Variants in CMTM4 observed in about 807,000 individuals in gnomAD.
The protein encoded by CMTM4 is CKLF like MARVEL transmembrane domain containing 4.
CMTM4 carries 8 observed loss-of-function variants against 19.0 expected under a neutral mutation model. The ratio of observed to expected loss-of-function variants is 0.42; its 90% CI spans 0.25 to 0.76. The LOEUF (loss-of-function observed/expected upper bound fraction) is 0.76, where lower values mean the gene tolerates loss of function less well. Ranked by LOEUF, CMTM4 falls within the 30% of genes least tolerant of loss-of-function variation. CMTM4 has a pLI of 0.27. For missense variants in CMTM4, 228 were observed against 290.2 expected (o/e 0.79, Z 1.56); for synonymous variants, 106 against 121.1 (o/e 0.88, Z 0.82).
chr16:66,674,116 G>A (rs9788797), intron 1 of CMTM4, among the ~76,000 whole-genome samples: 6,515 of 152,306 alleles, frequency 0.043, 262 homozygotes, highest in East Asian at 0.15. Context: ...GCAGAGCCAA[G>A]TTCTCTTTCA....
chr16:66,610,680 G>A (rs550855251), downstream of CMTM4, among the ~76,000 whole-genome samples: 69 of 152,248 alleles, frequency 4.5e-4, no homozygotes, highest in African/African-American at 1.6e-3. The surrounding 1 kb of genome is among the most constrained non-coding windows in gnomAD (Gnocchi z 4.6). Flanking sequence ...CTTCTGCCTG[G>A]GGAGATGCTT....
At chr16:66,667,383 C>T (rs1019100284) in intron 1 of CMTM4, among the ~76,000 whole-genome samples, 1 of 151,822 alleles carries the variant, frequency 6.6e-6, no homozygotes, top group South Asian at 2.1e-4. Flanking sequence ...AAATAACAAA[C>T]GTGAAGGTTT....
rs548521519 is a variant in CMTM4 at position 66,694,929 on chromosome 16, C to A, written c.186+1411G>T. Among the ~76,000 whole-genome samples the A allele has an allele frequency of 6.6e-5, 10 of 152,250 alleles. No individual in the cohort carries two copies. The East Asian group carries it at 1.2e-3, about 18-fold the overall frequency. On this transcript the variant is annotated intron_variant, in intron 1 of 3. Coordinates refer to ENST00000394106, the MANE Select transcript of CMTM4 (RefSeq NM_181521.3). ...ACCCTCTGGCAGTCAGCAGAACAAG[C>A]CTTTCACCCAAGAGAGACATAAAAT...
chr16:66,695,717 G>A (rs1024104921), intron 1 of CMTM4, among the ~76,000 whole-genome samples: 1 of 152,320 alleles, frequency 6.6e-6, no homozygotes. Context: ...GCCAGCCACC[G>A]TGCTGGGCGG....
chr16:66,685,171 G>A (rs2017009076), intron 1 of CMTM4, among the ~76,000 whole-genome samples: 1 of 152,116 alleles, frequency 6.6e-6, no homozygotes, highest in South Asian at 2.1e-4. Context: ...ATGGTCTGAT[G>A]AGGCAGCACA....
intron 1 of CMTM4, among the ~76,000 whole-genome samples, chr16:66,682,952 T>G (rs2016942066): frequency 6.6e-6 from 1 of 151,854 alleles, no homozygotes; most frequent in South Asian, 2.1e-4. Flanking sequence ...TCTTATGGTT[T>G]CCCCAACTTT....
chr16:66,621,894 G>T lies in CMTM4; in HGVS notation c.*164C>A. The stretch of plus-strand genomic sequence containing the variant: ...AACGTGGGCCTCCCAACTCCACCGC[G>T]GACCCGCCCACTGGGCCACTCGGGA... On this transcript the variant is annotated 3_prime_UTR_variant, in exon 4 of 4. Coordinates refer to ENST00000394106, the MANE Select transcript of CMTM4 (RefSeq NM_181521.3). 1 of 1,430,088 alleles carries T rather than the reference G, an allele frequency of 7.0e-7. No homozygotes were observed. The highest frequency in any genetic ancestry group is 9.1e-7 in the Non-Finnish European group (1 of 1,094,780). 88.6% of individuals were successfully genotyped at this position (1,430,088 alleles called of 1,614,324 possible). A position where few individuals can be genotyped will look rare whatever the true frequency, so the allele number is the denominator to read the frequency against.
At chr16:66,647,060 A>G (rs970817487) in intron 1 of CMTM4, among the ~76,000 whole-genome samples, 1 of 151,080 alleles carries the variant, frequency 6.6e-6, no homozygotes, top group African/African-American at 2.4e-5. Context: ...TCACACCTGC[A>G]ATCCCAACAC....
chr16:66,600,136 G>GTGTGGTTTTTTTTT, the CMTM4 span, among the ~76,000 whole-genome samples: 1 of 135,164 alleles, frequency 7.4e-6, no homozygotes, highest in African/African-American at 2.9e-5. Flanking sequence ...GTGTGTGTGT[G>GTGTGGTTTTTTTTT]TTTTTTTTTG....
At chr16:66,666,108 G>C (rs1244185374) in intron 1 of CMTM4, among the ~76,000 whole-genome samples, 1 of 150,178 alleles carries the variant, frequency 6.7e-6, no homozygotes, top group Non-Finnish European at 1.5e-5. Context: ...AAAGGAAAAG[G>C]AAAGAAAGAG....
rs1368069037 is a variant in CMTM4, at chr16:66,696,675, C to A, written c.-150G>T. On this transcript the variant is annotated 5_prime_UTR_variant, in exon 1 of 4. Transcript: ENST00000394106. This position sits in a 1 kb window ranked among gnomAD's most constrained non-coding sequence, Gnocchi z 4.3. ...CCGCCCGCCGCCGCCGCCTCTCGCCCGCCGCCCGGCTGCGGCTGCGGCTCG... is the reference window on the plus strand; with the variant it reads ...CCGCCCGCCGCCGCCGCCTCTCGCCAGCCGCCCGGCTGCGGCTGCGGCTCG... The A allele has an allele frequency of 4.1e-6, 1 of 243,066 alleles. No homozygotes were observed. The highest frequency in any genetic ancestry group is 6.5e-6 in the Non-Finnish European group (1 of 153,498). 15.1% of individuals were successfully genotyped at this position (243,066 alleles called of 1,614,324 possible). A position where few individuals can be genotyped will look rare whatever the true frequency, so the allele number is the denominator to read the frequency against.
At chr16:66,667,029 A>G (rs990340468) in intron 1 of CMTM4, among the ~76,000 whole-genome samples, 1 of 152,204 alleles carries the variant, frequency 6.6e-6, no homozygotes, top group Non-Finnish European at 1.5e-5. Context: ...CCCTGTATCT[A>G]AAATAAAAGT....
At chr16:66,652,893 C>T (rs2016336117) in intron 1 of CMTM4, among the ~76,000 whole-genome samples, 1 of 152,184 alleles carries the variant, frequency 6.6e-6, no homozygotes. Flanking sequence ...GAATGCTACC[C>T]TGCTCAAAAA....
intron 1 of CMTM4, among the ~76,000 whole-genome samples, chr16:66,664,033 G>T (rs2016548126): frequency 6.6e-6 from 1 of 152,076 alleles, no homozygotes; most frequent in South Asian, 2.1e-4. Flanking sequence ...AGGAGTTTGA[G>T]ACCAGCCTGG....
intron 1 of CMTM4, among the ~76,000 whole-genome samples, chr16:66,647,925 T>C (rs1479902715): frequency 6.6e-6 from 1 of 152,234 alleles, no homozygotes; most frequent in Non-Finnish European, 1.5e-5. Context: ...ACAGTGATGG[T>C]GACCCACTGC....
At chr16:66,650,781 A>G (rs1455592717) in intron 1 of CMTM4, among the ~76,000 whole-genome samples, 1 of 152,224 alleles carries the variant, frequency 6.6e-6, no homozygotes, top group African/African-American at 2.4e-5. Context: ...TGTGCTGGTC[A>G]ATACTCAGCT....
At chr16:66,608,497 C>T in the CMTM4 span, 3 of 1,610,050 alleles carry the variant, frequency 1.9e-6, no homozygotes, top group East Asian at 2.2e-5. This position sits in a 1 kb window ranked among gnomAD's most constrained non-coding sequence, Gnocchi z 5.1. Context: ...GGAGGGGTGC[C>T]CTGCACAAAG....
intron 1 of CMTM4, among the ~76,000 whole-genome samples, chr16:66,683,741 G>A (rs2016984620): frequency 6.6e-6 from 1 of 151,672 alleles, no homozygotes; most frequent in African/African-American, 2.4e-5. Flanking sequence ...CTCTGGAGGA[G>A]AATCAAGCAG....
intron 1 of CMTM4, among the ~76,000 whole-genome samples, chr16:66,691,109 A>G (rs1197789507): frequency 6.6e-6 from 1 of 152,078 alleles, no homozygotes; most frequent in Non-Finnish European, 1.5e-5. Context: ...CAGAACAAAA[A>G]TCTGTCTTAA....
Sources: gnomAD v4.1 joint callset for allele counts (sites outside exome capture counted in the v4.1 genomes callset) on GRCh38, gnomAD v4.1.1 for gene constraint, Gnocchi (gnomAD v3.1) non-coding constraint, MANE v1.5 for transcripts, NCBI Gene and HGNC (gene_info 2026-07-23, HGNC 2026-07-21) for gene names.